Variants in STXBP4 observed in about 807,000 individuals in gnomAD.
STXBP4 encodes syntaxin-binding protein 4.
Under a neutral mutation model 76.1 loss-of-function variants are expected in STXBP4, and 55 were observed. The ratio of observed to expected loss-of-function variants is 0.72; its 90% CI spans 0.58 to 0.91. The LOEUF is 0.91. STXBP4 is among the 40% of genes least tolerant of loss of function. The probability of loss-of-function intolerance (pLI) is 0.00; values close to 1 mark genes in which losing one functional copy is unlikely to be tolerated. For missense variants in STXBP4, 618 were observed against 636.9 expected, an observed-to-expected ratio of 0.97 and a Z score of 0.32; for synonymous variants, 201 against 220.2, an observed-to-expected ratio of 0.91 and a Z score of 0.77.
At chr17:55,086,337 G>A (rs2079328428) in intron 16 of STXBP4, among the ~76,000 whole-genome samples, 1 of 152,060 alleles carries the variant, frequency 6.6e-6, no homozygotes, top group African/African-American at 2.4e-5. Flanking sequence ...ATATACAATA[G>A]TCAGATAAGA....
the STXBP4 span, among the ~76,000 whole-genome samples, chr17:55,179,627 T>C: frequency 6.6e-6 from 1 of 152,176 alleles, no homozygotes; most frequent in Admixed American, 6.5e-5. Flanking sequence ...CTCCTTTTCC[T>C]CCTCTTCCTC....
At chr17:55,191,280 T>C in the STXBP4 span, among the ~76,000 whole-genome samples, 1 of 152,116 alleles carries the variant, frequency 6.6e-6, no homozygotes, top group South Asian at 2.1e-4. Context: ...CAAACTACAA[T>C]GTGCATATGT....
At chr17:55,071,636 T>C (rs1017663122) in intron 12 of STXBP4, among the ~76,000 whole-genome samples, 2 of 152,302 alleles carry the variant, frequency 1.3e-5, no homozygotes, top group East Asian at 3.9e-4. Flanking sequence ...TTTGTCTATA[T>C]TGTTTAGTGT....
At chr17:55,124,820 C>T (rs1013125315) in intron 16 of STXBP4, among the ~76,000 whole-genome samples, 1 of 152,188 alleles carries the variant, frequency 6.6e-6, no homozygotes, top group African/African-American at 2.4e-5. Flanking sequence ...AAGCTTCATT[C>T]GAGATCTCTT....
chr17:55,028,949 A>T (rs1305477748), intron 8 of STXBP4, among the ~76,000 whole-genome samples: 1 of 152,178 alleles, frequency 6.6e-6, no homozygotes. Context: ...AATAAAATTG[A>T]CCATATGTCC....
At chr17:55,189,668 A>G in the STXBP4 span, among the ~76,000 whole-genome samples, 8 of 152,238 alleles carry the variant, frequency 5.3e-5, no homozygotes, top group African/African-American at 1.9e-4. Context: ...ACAAGTAATT[A>G]AATTTGGAAT....
At chr17:55,042,329 G>C (rs1156761405) in intron 10 of STXBP4, among the ~76,000 whole-genome samples, 5 of 152,096 alleles carry the variant, frequency 3.3e-5, no homozygotes, top group Admixed American at 3.3e-4. Context: ...ATGGAGACAA[G>C]GTGATTGATA....
chr17:55,073,654 G>A (rs1175065338), intron 13 of STXBP4, among the ~76,000 whole-genome samples: 1 of 152,132 alleles, frequency 6.6e-6, no homozygotes, highest in East Asian at 1.9e-4. Flanking sequence ...TTGACACAGA[G>A]TTTCACTCTT....
At chr17:55,065,970 A>G (rs74386717) in intron 12 of STXBP4, among the ~76,000 whole-genome samples, 181 of 152,314 alleles carry the variant, frequency 1.2e-3, no homozygotes, top group African/African-American at 3.8e-3. Context: ...AGCTTAACCA[A>G]TCTTTCTTTG....
At chr17:55,189,564 C>A in the STXBP4 span, among the ~76,000 whole-genome samples, 1 of 152,142 alleles carries the variant, frequency 6.6e-6, no homozygotes, top group Non-Finnish European at 1.5e-5. Flanking sequence ...AGTGAGGCCA[C>A]GGTCAAGTTA....
At chr17:55,019,787 A>G (rs563467040) in intron 8 of STXBP4, among the ~76,000 whole-genome samples, 32 of 152,242 alleles carry the variant, frequency 2.1e-4, no homozygotes, top group Middle Eastern at 3.4e-3. Flanking sequence ...TTTATTGGGC[A>G]TATAATTCTA....
At chr17:55,056,277 T>C (rs570883902) in intron 12 of STXBP4, among the ~76,000 whole-genome samples, 49 of 152,310 alleles carry the variant, frequency 3.2e-4, no homozygotes, top group Admixed American at 5.9e-4. Context: ...ATATTTTTAC[T>C]TTTTTATACT....
At chr17:55,007,423 C>A in intron 7 of STXBP4, 83 bp from the exon 8 acceptor site, 1 of 918,150 alleles carries the variant, frequency 1.1e-6, no homozygotes, top group Non-Finnish European at 1.8e-6. Flanking sequence ...TTTTGAACAG[C>A]AGGAACTCAG....
At chr17:55,086,177 T>G (rs1025081072) in intron 16 of STXBP4, among the ~76,000 whole-genome samples, 1 of 152,200 alleles carries the variant, frequency 6.6e-6, no homozygotes, top group Non-Finnish European at 1.5e-5. Flanking sequence ...TCAGCACTTT[T>G]TTTTCCCCAA....
chr17:55,155,168 T>C (rs2080262580), intron 17 of STXBP4, among the ~76,000 whole-genome samples: 2 of 152,152 alleles, frequency 1.3e-5, no homozygotes, highest in Admixed American at 6.5e-5. Flanking sequence ...CAATTTTCTC[T>C]TAAACATATT....
the STXBP4 span, among the ~76,000 whole-genome samples, chr17:55,188,261 T>C: frequency 6.6e-6 from 1 of 152,346 alleles, no homozygotes; most frequent in Middle Eastern, 3.4e-3. Flanking sequence ...TAACTGGCTG[T>C]GTAACTCACG....
At chr17:55,049,573 T>A (rs966315903) in intron 12 of STXBP4, among the ~76,000 whole-genome samples, 3 of 151,766 alleles carry the variant, frequency 2.0e-5, no homozygotes, top group African/African-American at 7.3e-5. Context: ...TAAAAAGTAA[T>A]AATGGAAAGG....
At chr17:55,199,977 T>G in the STXBP4 span, among the ~76,000 whole-genome samples, 1 of 152,262 alleles carries the variant, frequency 6.6e-6, no homozygotes, top group Admixed American at 6.5e-5. Flanking sequence ...GCTTCATTTC[T>G]TTTGATAGTC....
intron 10 of STXBP4, among the ~76,000 whole-genome samples, chr17:55,035,024 G>A (rs75842327): frequency 0.021 from 3,188 of 151,846 alleles, 85 homozygotes; most frequent in East Asian, 0.15. Flanking sequence ...CATTCATTAT[G>A]CATGGCAAAC....
Sources: gnomAD v4.1 joint callset for allele counts (sites outside exome capture counted in the v4.1 genomes callset) on GRCh38, gnomAD v4.1.1 for gene constraint, MANE v1.5 for transcripts, NCBI Gene and HGNC (gene_info 2026-07-23, HGNC 2026-07-21) for gene names.